The following ADA2 variants were observed in gnomAD, a reference collection of about 807,000 sequenced individuals.
ADA2 encodes adenosine deaminase CECR1.
A neutral mutation model predicts 44.2 loss-of-function variants in ADA2; 29 were observed. That is an observed-to-expected ratio of 0.66 (90% confidence interval 0.49 to 0.89). ADA2 has a LOEUF of 0.89. Ranked by LOEUF, ADA2 falls within the 40% of genes least tolerant of loss-of-function variation. The pLI is 0.00. For synonymous variants in ADA2, 215 were observed against 234.9 expected, an observed-to-expected ratio of 0.92 and a Z score of 0.77; for missense variants, 637 against 644.8, an observed-to-expected ratio of 0.99 and a Z score of 0.13.
At chr22:17,186,416 T>A (rs1388411414) in intron 7 of ADA2, among the ~76,000 whole-genome samples, 1 of 151,670 alleles carries the variant, frequency 6.6e-6, no homozygotes, top group Non-Finnish European at 1.5e-5. Context: ...ACCCTATCCC[T>A]ATTAAAAATA....
intron 1 of ADA2, among the ~76,000 whole-genome samples, chr22:17,216,789 C>CAT (rs767412881): frequency 2.2e-4 from 16 of 73,610 alleles, no homozygotes; most frequent in Admixed American, 4.4e-4. Context: ...CACACACACA[C>CAT]ATATATATAG....
Position 17,209,740 on chromosome 22 carries a change from G to A in ADA2, c.-46-17C>T. The A allele has an allele frequency of 7.5e-7, 1 of 1,340,184 alleles. No homozygotes were observed. The highest frequency in any genetic ancestry group is 1.4e-5 in the African/African-American group (1 of 69,214). 83.0% of individuals were successfully genotyped at this position (1,340,184 alleles called of 1,614,324 possible). On this transcript the variant is annotated splice_polypyrimidine_tract_variant and intron_variant, in intron 1 of 9. Coordinates refer to ENST00000399837, the MANE Select transcript of ADA2 (RefSeq NM_001282225.2). ...TCCACGGGACTGCAAAGGAGAGTGG[G>A]GGAGTGAAAACCTACAGATTTAAGG... is the stretch of plus-strand genomic sequence containing the variant.
intron 5 of ADA2, among the ~76,000 whole-genome samples, chr22:17,190,290 T>C (rs1243666727): frequency 2.0e-5 from 3 of 152,026 alleles, no homozygotes; most frequent in Non-Finnish European, 4.4e-5. Flanking sequence ...GTAGATGGGG[T>C]CAGAGGACCC....
intron 1 of ADA2, among the ~76,000 whole-genome samples, chr22:17,214,493 G>T (rs746344170): frequency 2.6e-5 from 4 of 152,188 alleles, no homozygotes; most frequent in Non-Finnish European, 5.9e-5. Context: ...ACGCTCTGAG[G>T]CCAGCCAGCT....
intron 4 of ADA2, among the ~76,000 whole-genome samples, chr22:17,202,838 C>A (rs1279262928): frequency 1.3e-5 from 2 of 150,426 alleles, no homozygotes; most frequent in Non-Finnish European, 2.9e-5. Flanking sequence ...GGCTGGAGTG[C>A]AGTGGTGCGA....
chr22:17,216,136 G>A (rs758774499), intron 1 of ADA2, among the ~76,000 whole-genome samples: 76 of 152,128 alleles, frequency 5.0e-4, no homozygotes, highest in Non-Finnish European at 7.4e-4. Flanking sequence ...GCAGTGAGCC[G>A]ATATCGCACC....
At chr22:17,215,884 G>C (rs561081420) in intron 1 of ADA2, among the ~76,000 whole-genome samples, 1 of 152,218 alleles carries the variant, frequency 6.6e-6, no homozygotes, top group East Asian at 1.9e-4. Context: ...AGAATCACTT[G>C]AGCCTAGAAG....
intron 8 of ADA2, 63 bp downstream of exon 8, chr22:17,182,541 T>TA: frequency 6.5e-7 from 1 of 1,540,406 alleles, no homozygotes; most frequent in South Asian, 1.1e-5. Flanking sequence ...GCAAAAAGTT[T>TA]AAGAGAGCAG....
intron 9 of ADA2, 52 bp from the exon 10 acceptor site, chr22:17,181,628 G>T: frequency 7.6e-7 from 1 of 1,322,404 alleles, no homozygotes; most frequent in Non-Finnish European, 1.1e-6. Context: ...GTTGGGGAAC[G>T]GGGCAGGGAG....
In ADA2 at chr22:17,207,156, G is replaced by C; in HGVS notation, c.457C>G (p.Pro153Ala). ...IMQFRFAHPT[P>A]RPSEKCSKWI... ...TTGGAACATTTTTCTGATGGACGGGGAGTTGGGTGAGCAAATCTGAACTGC... is the reference window on the plus strand; with the variant it reads ...TTGGAACATTTTTCTGATGGACGGGCAGTTGGGTGAGCAAATCTGAACTGC... Residue 153 changes from proline to alanine, a missense_variant, in exon 3 of 10, where the codon CCC becomes GCC. Transcript: ENST00000399837. 1 of 1,614,262 alleles carries C rather than the reference G, an allele frequency of 6.2e-7. No individual in the cohort carries two copies. Among genetic ancestry groups the C allele is most frequent in the Non-Finnish European group, 8.5e-7 (1 of 1,180,040 alleles).
At chr22:17,199,919 G>T in intron 4 of ADA2, 1 of 370,410 alleles carries the variant, frequency 2.7e-6, no homozygotes, top group Non-Finnish European at 4.6e-6. Context: ...ATCTCGCCAG[G>T]CGCGGTGGCT....
intron 5 of ADA2, 137 bp from the exon 6 acceptor site, chr22:17,190,169 CT>C (rs967637319): frequency 3.1e-6 from 2 of 652,810 alleles, no homozygotes; most frequent in African/African-American, 3.6e-5. Flanking sequence ...CACCCCTGCC[CT>C]CCTGACCCCA....
intron 1 of ADA2, among the ~76,000 whole-genome samples, chr22:17,212,736 C>T (rs570794317): frequency 4.0e-5 from 6 of 151,572 alleles, no homozygotes; most frequent in East Asian, 1.9e-4. Flanking sequence ...AATACGTATA[C>T]GAATAAATGC....
chr22:17,221,332 C>G (rs1422135136), upstream of ADA2, among the ~76,000 whole-genome samples: 2 of 151,800 alleles, frequency 1.3e-5, no homozygotes, highest in Admixed American at 6.6e-5. Context: ...TACATGTGCA[C>G]AATGTGCAGG....
chr22:17,210,576 CTTTTA>C (rs933799523), intron 1 of ADA2, among the ~76,000 whole-genome samples: 3 of 151,908 alleles, frequency 2.0e-5, no homozygotes, highest in Admixed American at 6.6e-5. Context: ...TAGTGGTTCA[CTTTTA>C]TTTTATTTTA....
rs144447953 is a variant in ADA2, at chr22:17,188,349, G to A, written c.1071C>T (p.Ala357=). 1.9e-4 allele frequency: 312 copies of A among 1,612,924 alleles called. No homozygotes were observed. The highest frequency in any genetic ancestry group is 2.5e-4 in the Admixed American group (15 of 60,006). ...ATCCCGCAGGCTCACCTGTTTCTCC[G>A]GCGTGGAAGAAGTAAGGCAGCTTAA... ...DGVKLPYFFH[A]GETDWQGTSI... The change falls in exon 7 of 10, where the codon GCC becomes GCT. Residue 357 remains alanine, a synonymous_variant. Transcript: ENST00000399837.
intron 4 of ADA2, among the ~76,000 whole-genome samples, chr22:17,200,600 T>TA (rs2062268047): frequency 6.6e-6 from 1 of 151,992 alleles, no homozygotes; most frequent in African/African-American, 2.4e-5. Context: ...GGTATTAACA[T>TA]ATCTAAGGAA....
At chr22:17,205,948 C>T (rs550563186) in intron 3 of ADA2, among the ~76,000 whole-genome samples, 10 of 152,104 alleles carry the variant, frequency 6.6e-5, no homozygotes, top group South Asian at 2.1e-4. Context: ...TGAAGTGAGC[C>T]GAGATTGTGC....
At chr22:17,209,970 G>A (rs544663497) in intron 1 of ADA2, 11 of 336,990 alleles carry the variant, frequency 3.3e-5, no homozygotes, top group Non-Finnish European at 5.4e-5. Context: ...GGCTCACTGC[G>A]AGCTCCGCCT....
Sources: gnomAD v4.1 joint callset for allele counts (sites outside exome capture counted in the v4.1 genomes callset) on GRCh38, gnomAD v4.1.1 for gene constraint, MANE v1.5 for transcripts, NCBI Gene and HGNC (gene_info 2026-07-23, HGNC 2026-07-21) for gene names.